Variants in PCDHGA5 observed in about 807,000 individuals in gnomAD.
PCDHGA5 encodes the protein protocadherin gamma subfamily A, 5.
In PCDHGA5, 36 loss-of-function variants were observed where a neutral mutation model predicts 56.7. That is an observed-to-expected ratio of 0.64 (90% CI 0.49 to 0.84). The LOEUF is 0.84. Among genes scored for constraint, PCDHGA5 ranks in the 40% least tolerant of loss-of-function variants. The probability of loss-of-function intolerance (pLI) is 0.00; values close to 1 mark genes in which losing one functional copy is unlikely to be tolerated. For missense variants in PCDHGA5, 1,305 were observed against 1,201.5 expected (o/e 1.09, Z -1.27); for synonymous variants, 563 against 520.2 (o/e 1.08, Z -1.12).
At position 141,491,899 on chromosome 5, in the gene PCDHGA5, G is replaced by A; in HGVS notation, c.2422-2908G>A. The A allele has an allele frequency of 7.0e-7, 1 of 1,433,322 alleles. No homozygotes were observed. Among genetic ancestry groups the A allele is most frequent in the South Asian group, 1.5e-5 (1 of 67,156 alleles). The allele number at this position is 1,433,322 out of a possible 1,614,324, so 88.8% of individuals were successfully genotyped here. A position where few individuals can be genotyped will look rare whatever the true frequency, so the allele number is the denominator to read the frequency against. On this transcript the variant is annotated intron_variant, in intron 1 of 3. Coordinates refer to ENST00000518069, the MANE Select transcript of PCDHGA5 (RefSeq NM_018918.3). The surrounding 1 kb of genome is among the most constrained non-coding windows in gnomAD (Gnocchi z 6.9). ...TTAAGGGATGGGGCTCCGAGCACCG[G>A]GGGTGGTGGCGACTGTGGGCGAGGG... is the stretch of plus-strand genomic sequence containing the variant.
rs756658304 is a variant in PCDHGA5, at chr5:141,485,531, G to C, written c.2422-9276G>C. 6.8e-6 allele frequency: 11 copies of C among 1,614,218 alleles called. No homozygotes were observed. In the Admixed American group the frequency reaches 1.5e-4, roughly 22 times the overall value. On this transcript the variant is annotated intron_variant, in intron 1 of 3. Transcript: ENST00000518069. This position sits in a 1 kb window ranked among gnomAD's most constrained non-coding sequence, Gnocchi z 5.7. ...AGGTCCTTTGGAAATGTACCGAGCA[G>C]AGGTAGAGATCGTAGATGTGAATGA... is the stretch of plus-strand genomic sequence containing the variant.
chr5:141,399,287 C>G (rs1393904771), intron 1 of PCDHGA5: 1 of 1,613,912 alleles, frequency 6.2e-7, no homozygotes, highest in Non-Finnish European at 8.5e-7. Context: ...GGCGAAGTCC[C>G]TTTTAAGATT....
chr5:141,505,628 A>C, intron 3 of PCDHGA5, 147 bp downstream of exon 3: 1 of 1,481,752 alleles, frequency 6.7e-7, no homozygotes, highest in Non-Finnish European at 9.0e-7. Flanking sequence ...ACAATTCCAA[A>C]CATAAAGCCT....
chr5:141,408,660 C>T, intron 1 of PCDHGA5: 1 of 1,613,980 alleles, frequency 6.2e-7, no homozygotes, highest in East Asian at 2.2e-5. Context: ...ACACGACTAT[C>T]GCTTGACCCT....
At chr5:141,410,481 G>A in intron 1 of PCDHGA5, 2 of 1,613,966 alleles carry the variant, frequency 1.2e-6, no homozygotes, top group Non-Finnish European at 1.7e-6. Context: ...GCACATACGG[G>A]TACAAAAGAG....
At chr5:141,498,220 G>T (rs1562182972) in intron 2 of PCDHGA5, among the ~76,000 whole-genome samples, 1 of 152,222 alleles carries the variant, frequency 6.6e-6, no homozygotes, top group Non-Finnish European at 1.5e-5. Flanking sequence ...GAGCATTCCA[G>T]ATGGTCAGGC....
At chr5:141,393,842 T>C (rs1010461527) in intron 1 of PCDHGA5, 5 of 1,613,948 alleles carry the variant, frequency 3.1e-6, no homozygotes, top group Non-Finnish European at 4.2e-6. Context: ...TAAATGACAA[T>C]AGACCAGAAG....
intron 1 of PCDHGA5, chr5:141,403,515 G>A: frequency 6.2e-7 from 1 of 1,614,024 alleles, no homozygotes; most frequent in Non-Finnish European, 8.5e-7. Context: ...GGAGACAATG[G>A]AGCCATAAAC....
At chr5:141,388,773 G>T (rs769358867) in intron 1 of PCDHGA5, 12 of 1,613,808 alleles carry the variant, frequency 7.4e-6, no homozygotes, top group Non-Finnish European at 9.3e-6. Context: ...CTCTAACACC[G>T]GGGAAATTAC....
intron 1 of PCDHGA5, chr5:141,415,772 T>TTA: frequency 7.5e-7 from 1 of 1,332,978 alleles, no homozygotes; most frequent in Non-Finnish European, 9.6e-7. Flanking sequence ...TTTTTTTTTT[T>TTA]ACTTTCTGGT....
At chr5:141,463,834 A>G (rs1212299231) in intron 1 of PCDHGA5, among the ~76,000 whole-genome samples, 4 of 152,108 alleles carry the variant, frequency 2.6e-5, no homozygotes, top group East Asian at 1.9e-4. Flanking sequence ...TCCACTTCCC[A>G]GTTGTTATAG....
intron 1 of PCDHGA5, among the ~76,000 whole-genome samples, chr5:141,434,221 G>T (rs760622311): frequency 6.6e-6 from 1 of 152,206 alleles, no homozygotes; most frequent in Admixed American, 6.5e-5. Flanking sequence ...TGTAAACAAA[G>T]TACGATTTCT....
At chr5:141,426,448 C>T (rs1289310586) in intron 1 of PCDHGA5, 4 of 307,946 alleles carry the variant, frequency 1.3e-5, no homozygotes, top group Middle Eastern at 1.2e-3. Context: ...GGAGGACATG[C>T]GGCTGCATGT....
chr5:141,392,416 T>C (rs576614359), intron 1 of PCDHGA5: 1 of 157,618 alleles, frequency 6.3e-6, no homozygotes, highest in African/African-American at 2.4e-5. Flanking sequence ...AAAACCTTCA[T>C]CTCACATTCT....
rs191354649 is a variant in PCDHGA5 at position 141,510,446 on chromosome 5, C to T, written c.2570-501C>T. 8.9e-4 allele frequency among the ~76,000 whole-genome samples: 135 copies of T among 152,154 alleles called. 1 individual carries two copies. Among genetic ancestry groups the T allele is most frequent in the Non-Finnish European group, 1.7e-3 (114 of 68,010 alleles). On this transcript the variant is annotated intron_variant, in intron 3 of 3. Coordinates refer to ENST00000518069, the MANE Select transcript of PCDHGA5 (RefSeq NM_018918.3). ...TTTCATGGCTGCTGCCCTCCAGGAG[C>T]CCATGGTCTAGTGTGGGAGTCAGAG...
rs76825883 is a variant in PCDHGA5, at chr5:141,433,317, C to T, written c.2422-61490C>T. The T allele has an allele frequency of 1.4e-3, 1,163 of 830,944 alleles. 6 individuals are homozygous for T. In the African/African-American group the frequency reaches 0.015, roughly 11 times the overall value. 51.5% of individuals were successfully genotyped at this position (830,944 alleles called of 1,614,324 possible). A position where few individuals can be genotyped will look rare whatever the true frequency, so the allele number is the denominator to read the frequency against. On this transcript the variant is annotated intron_variant, in intron 1 of 3. Transcript: ENST00000518069. ...CAAGCAATTATCCCACCTTTGCCTC[C>T]GGTGTAACAGGGACTACAGGTGCAA... is the stretch of plus-strand genomic sequence containing the variant.
At position 141,383,086 on chromosome 5, in the gene PCDHGA5, G is replaced by A. The variant is rs373805952; in HGVS notation, c.2421+16335G>A. 3.1e-6 allele frequency: 5 copies of A among 1,613,788 alleles called. No individual in the cohort carries two copies. The African/African-American group carries it at 6.7e-5, about 22-fold the overall frequency. On this transcript the variant is annotated intron_variant, in intron 1 of 3. Transcript: ENST00000518069. ...GGAGCCCCGGGAGCTGGCGGAGCGC[G>A]GAGTCCGCATCATCTCCAGAGGTAG...
chr5:141,435,922 G>A (rs1312886163), intron 1 of PCDHGA5, among the ~76,000 whole-genome samples: 1 of 152,070 alleles, frequency 6.6e-6, no homozygotes, highest in Non-Finnish European at 1.5e-5. Context: ...TCTAAAATGC[G>A]GCAGTTGCTG....
At chr5:141,502,575 A>G (rs1314648955) in intron 2 of PCDHGA5, among the ~76,000 whole-genome samples, 2 of 152,208 alleles carry the variant, frequency 1.3e-5, no homozygotes, top group Admixed American at 1.3e-4. Context: ...CATTATAAAA[A>G]TATATTTTTA....
Sources: allele counts gnomAD v4.1 joint callset (sites outside exome capture counted in the v4.1 genomes callset), GRCh38; gene constraint gnomAD v4.1.1; non-coding constraint Gnocchi (gnomAD v3.1); transcripts MANE v1.5; gene names NCBI Gene and HGNC (gene_info 2026-07-23, HGNC 2026-07-21).